OPCML: variants seen among roughly 807,000 people sequenced by gnomAD.
OPCML encodes opioid-binding protein/cell adhesion molecule.
Under a neutral mutation model 37.8 loss-of-function variants are expected in OPCML, and 13 were observed. The ratio of observed to expected loss-of-function variants is 0.34; its 90% confidence interval spans 0.22 to 0.55. The LOEUF (loss-of-function observed/expected upper bound fraction) is 0.55, where lower values mean the gene tolerates loss of function less well. Among genes scored for constraint, OPCML ranks in the 20% least tolerant of loss-of-function variants. The probability of loss-of-function intolerance (pLI) is 0.91; values close to 1 mark genes in which losing one functional copy is unlikely to be tolerated. For missense variants in OPCML, 341 were observed against 435.6 expected (o/e 0.78, Z 1.93); for synonymous variants, 176 against 168.8 (o/e 1.04, Z -0.33).
At chr11:133,488,326 C>A (rs966376781) in intron 1 of OPCML, among the ~76,000 whole-genome samples, 6 of 152,064 alleles carry the variant, frequency 3.9e-5, no homozygotes, top group African/African-American at 1.4e-4. Context: ...GTCACATTAT[C>A]CTTGTTCAAT....
Position 132,460,888 on chromosome 11 carries a change from T to C in OPCML, c.506-23529A>G, listed in dbSNP as rs560703978. Among the ~76,000 whole-genome samples, 18 of 152,324 alleles carry C rather than the reference T, an allele frequency of 1.2e-4. No individual in the cohort carries two copies. In the East Asian group the frequency reaches 3.5e-3, roughly 29 times the overall value. On this transcript the variant is annotated intron_variant, in intron 4 of 7. Transcript: ENST00000524381. ...AATAATTGAAATTTTAAAAATTGCT[T>C]TGGAGTTTTATTTAGATATTTACTT...
In OPCML at chr11:132,415,210, T is replaced by A. The variant is rs996794069; in HGVS notation, c.*4983A>T. 2 of 152,624 alleles carry A rather than the reference T, an allele frequency of 1.3e-5. No individual in the cohort carries two copies. Among genetic ancestry groups the A allele is most frequent in the African/African-American group, 4.8e-5 (2 of 41,446 alleles). 9.5% of individuals were successfully genotyped at this position (152,624 alleles called of 1,614,324 possible). A position where few individuals can be genotyped will look rare whatever the true frequency, so the allele number is the denominator to read the frequency against. Reference sequence around the variant, plus strand: ...CTCTAGAAGGCTGACAAAGTCATACTCTTGTATCGTGTGATAAATTTTTAA... The same window carrying A: ...CTCTAGAAGGCTGACAAAGTCATACACTTGTATCGTGTGATAAATTTTTAA... On this transcript the variant is annotated 3_prime_UTR_variant, in exon 8 of 8. Transcript: ENST00000524381.
chr11:133,007,258 T>C, intron 1 of OPCML: 4 of 985,452 alleles, frequency 4.1e-6, no homozygotes, highest in Non-Finnish European at 4.8e-6. Context: ...TTTGTGGTTA[T>C]ATTCAAAATA....
chr11:133,486,788 G>C (rs1431653959), intron 1 of OPCML, among the ~76,000 whole-genome samples: 1 of 151,722 alleles, frequency 6.6e-6, no homozygotes, highest in African/African-American at 2.4e-5. Flanking sequence ...ATTCTTTGCA[G>C]TCTTGTTCCC....
At chr11:132,850,695 A>G (rs1941771374) in intron 2 of OPCML, among the ~76,000 whole-genome samples, 2 of 152,198 alleles carry the variant, frequency 1.3e-5, no homozygotes, top group South Asian at 4.1e-4. Flanking sequence ...TTTGTAATTA[A>G]GCTTATTATA....
intron 1 of OPCML, chr11:133,300,673 G>A (rs1201117836): frequency 2.0e-5 from 3 of 152,174 alleles, no homozygotes; most frequent in Non-Finnish European, 4.4e-5. Flanking sequence ...TTTTGTATGA[G>A]GAGAAGGGGT....
chr11:132,502,664 T>C (rs553072110), intron 4 of OPCML, among the ~76,000 whole-genome samples: 1 of 152,340 alleles, frequency 6.6e-6, no homozygotes, highest in Non-Finnish European at 1.5e-5. Context: ...ACACTTAATA[T>C]GCAAATTTTT....
rs570186363 is a variant in OPCML, at chr11:132,479,084, C to T, written c.506-41725G>A. ...GGTCTACAGCTCCCAGCCTGAGTGA[C>T]GCAGAAGACGGGTGATTTCTGCATT... is the stretch of plus-strand genomic sequence containing the variant. On this transcript the variant is annotated intron_variant, in intron 4 of 7. Coordinates refer to ENST00000524381, the MANE Select transcript of OPCML (RefSeq NM_001012393.5). Among the ~76,000 whole-genome samples, 31 of 152,144 alleles carry T rather than the reference C, an allele frequency of 2.0e-4. No homozygotes were observed. In the South Asian group the frequency reaches 4.4e-3, roughly 21 times the overall value.
chr11:132,910,859 C>A (rs1055789761), intron 2 of OPCML, among the ~76,000 whole-genome samples: 6 of 152,104 alleles, frequency 3.9e-5, no homozygotes, highest in Admixed American at 3.3e-4. Context: ...ACCCTCAGGA[C>A]CATTGTGGCT....
intron 1 of OPCML, among the ~76,000 whole-genome samples, chr11:133,046,608 C>T (rs1948022542): frequency 6.6e-6 from 1 of 152,184 alleles, no homozygotes; most frequent in South Asian, 2.1e-4. Flanking sequence ...CCAGCTAACA[C>T]TTTGCCCACA....
At chr11:133,163,794 A>C (rs1206175391) in intron 1 of OPCML, among the ~76,000 whole-genome samples, 1 of 152,212 alleles carries the variant, frequency 6.6e-6, no homozygotes, top group African/African-American at 2.4e-5. Flanking sequence ...GGACAGAGAA[A>C]TAGCAGCTGC....
intron 3 of OPCML, among the ~76,000 whole-genome samples, chr11:132,630,386 T>C (rs968094597): frequency 6.6e-6 from 1 of 152,182 alleles, no homozygotes; most frequent in Non-Finnish European, 1.5e-5. Flanking sequence ...GGTGAAACTC[T>C]GTCTCTACTA....
At chr11:133,445,878 G>A (rs551944879) in intron 1 of OPCML, among the ~76,000 whole-genome samples, 1 of 152,174 alleles carries the variant, frequency 6.6e-6, no homozygotes, top group Non-Finnish European at 1.5e-5. Flanking sequence ...AAGTTGATTG[G>A]GAGGATGAGA....
intron 1 of OPCML, among the ~76,000 whole-genome samples, chr11:133,059,606 T>C (rs1289815830): frequency 2.6e-5 from 4 of 152,188 alleles, no homozygotes; most frequent in African/African-American, 9.6e-5. Flanking sequence ...TTTTATTACA[T>C]TTCAAATCTT....
At chr11:133,027,053 A>C (rs1947567759) in intron 1 of OPCML, among the ~76,000 whole-genome samples, 1 of 152,204 alleles carries the variant, frequency 6.6e-6, no homozygotes. Flanking sequence ...GGGAGTTTCC[A>C]ATCCCAGCTC....
In OPCML at chr11:133,486,597, C is replaced by T. The variant is rs1256914006; in HGVS notation, c.61+45667G>A. On this transcript the variant is annotated intron_variant, in intron 1 of 7. Transcript: ENST00000524381. ...GATTTCCTCAGAGCTCTCTTAGCAGCCTCTTCTCTGAGAATCTTATCCAAA... is the reference window on the plus strand; with the variant it reads ...GATTTCCTCAGAGCTCTCTTAGCAGTCTCTTCTCTGAGAATCTTATCCAAA... 2.0e-5 allele frequency among the ~76,000 whole-genome samples: 3 copies of T among 152,136 alleles called. No homozygotes were observed. In the East Asian group the frequency reaches 5.8e-4, roughly 29 times the overall value.
chr11:132,591,531 A>T (rs1355911883), intron 3 of OPCML, among the ~76,000 whole-genome samples: 2 of 152,192 alleles, frequency 1.3e-5, no homozygotes, highest in Non-Finnish European at 2.9e-5. Context: ...GGATCTAATG[A>T]TCTAATCACA....
intron 1 of OPCML, among the ~76,000 whole-genome samples, chr11:133,069,621 A>C (rs1031751113): frequency 1.3e-5 from 2 of 152,194 alleles, no homozygotes. Flanking sequence ...GTGTGCCCTA[A>C]AACATGTATA....
intron 2 of OPCML, among the ~76,000 whole-genome samples, chr11:132,813,483 T>C (rs948121370): frequency 6.6e-6 from 1 of 152,184 alleles, no homozygotes; most frequent in Non-Finnish European, 1.5e-5. Context: ...ACACTACCAA[T>C]GCAAGAGAAG....
Sources: allele counts gnomAD v4.1 joint callset (sites outside exome capture counted in the v4.1 genomes callset), GRCh38; gene constraint gnomAD v4.1.1; transcripts MANE v1.5; gene names NCBI Gene and HGNC (gene_info 2026-07-23, HGNC 2026-07-21).